The following NRBF2 variants were observed in gnomAD, a reference collection of about 807,000 sequenced individuals.
The protein encoded by NRBF2 is nuclear receptor binding factor 2, also known as nuclear receptor-binding factor 2.
NRBF2 carries 12 observed loss-of-function variants against 28.5 expected under a neutral mutation model. The observed-to-expected ratio is 0.42, with a 90% CI of 0.27 to 0.68. The LOEUF is 0.68. Among genes scored for constraint, NRBF2 ranks in the 30% least tolerant of loss-of-function variants. The pLI, the probability that NRBF2 is intolerant of heterozygous loss-of-function variation, is 0.24. For missense variants in NRBF2, 274 were observed against 333.5 expected, an observed-to-expected ratio of 0.82 and a Z score of 1.39; for synonymous variants, 102 against 116.5, an observed-to-expected ratio of 0.88 and a Z score of 0.80.
chr10:63,150,805 A>G (rs1478061877), intron 2 of NRBF2, among the ~76,000 whole-genome samples: 1 of 152,230 alleles, frequency 6.6e-6, no homozygotes, highest in East Asian at 1.9e-4. Context: ...TCTAGGGGTG[A>G]TGGGAGACAG....
intron 1 of NRBF2, among the ~76,000 whole-genome samples, chr10:63,141,108 C>CCAAGA (rs1473354739): frequency 6.6e-6 from 1 of 152,090 alleles, no homozygotes; most frequent in Non-Finnish European, 1.5e-5. Flanking sequence ...AGAAGCACCA[C>CCAAGA]CAAGATAGGT....
intron 1 of NRBF2, among the ~76,000 whole-genome samples, chr10:63,136,731 G>A (rs2132675862): frequency 6.6e-6 from 1 of 152,246 alleles, no homozygotes; most frequent in South Asian, 2.1e-4. Context: ...TTTCAGTATG[G>A]TTCTCATCTA....
intron 1 of NRBF2, among the ~76,000 whole-genome samples, chr10:63,135,886 C>T: frequency 6.6e-6 from 1 of 152,078 alleles, no homozygotes. Flanking sequence ...ACCTCGTGAT[C>T]CCCCCGCCTG....
At chr10:63,139,088 C>T (rs1841422436) in intron 1 of NRBF2, among the ~76,000 whole-genome samples, 1 of 152,196 alleles carries the variant, frequency 6.6e-6, no homozygotes, top group Non-Finnish European at 1.5e-5. Context: ...CAGCTCACCA[C>T]AACCTCCGCC....
intron 1 of NRBF2, among the ~76,000 whole-genome samples, chr10:63,145,616 C>CT (rs1841548630): frequency 6.6e-6 from 1 of 152,124 alleles, no homozygotes; most frequent in Non-Finnish European, 1.5e-5. Flanking sequence ...ATTTTTTTGA[C>CT]TTTGTTCTTT....
At position 63,154,565 on chromosome 10, in the gene NRBF2, TAATC is replaced by T. The variant is rs1216905143; in HGVS notation, c.*348_*351del. 5.5e-6 allele frequency: 1 copy of T among 180,282 alleles called. No homozygotes were observed. Among genetic ancestry groups the T allele is most frequent in the Non-Finnish European group, 1.2e-5 (1 of 85,990 alleles). The allele number at this position is 180,282 out of a possible 1,614,324, so 11.2% of individuals were successfully genotyped here. On this transcript the variant is annotated 3_prime_UTR_variant, in exon 4 of 4. Coordinates refer to ENST00000277746, the MANE Select transcript of NRBF2 (RefSeq NM_030759.5). ...AAAATGTATAAAAGTTATGTGTAAT[TAATC>T]TATAATGCCATAAATGATAATGCAA...
Position 63,146,097 on chromosome 10 carries a change from G to GA in NRBF2, c.31-111dup, listed in dbSNP as rs1297493939. On this transcript the variant is annotated intron_variant, in intron 1 of 3. Transcript: ENST00000277746. ...ACAGATAGAGCTGTAATAGTGATTT[G>GA]ATATGTGGCAACAAAACAGTATTAT... is the stretch of plus-strand genomic sequence containing the variant. 4 of 786,770 alleles carry GA rather than the reference G, an allele frequency of 5.1e-6. No individual in the cohort carries two copies. In the Admixed American group the frequency reaches 6.2e-5, roughly 12 times the overall value. The allele number at this position is 786,770 out of a possible 1,614,324, so 48.7% of individuals were successfully genotyped here.
Position 63,153,806 on chromosome 10 carries a change from C to T in NRBF2, c.452C>T (p.Pro151Leu). The T allele has an allele frequency of 6.2e-7, 1 of 1,612,866 alleles. No individual in the cohort carries two copies. Among genetic ancestry groups the T allele is most frequent in the African/African-American group, 1.3e-5 (1 of 74,950 alleles). The stretch of plus-strand genomic sequence containing the variant: ...TATTTACTTCAGCAAAAGAGTGAGC[C>T]AGCAGAGCCATGTATTGGAAGCAAA... ...LLYLLQQKSE[P>L]AEPCIGSKAP... The change falls in exon 4 of 4, where the codon CCA (proline) becomes CTA (leucine). Residue 151 changes from proline to leucine, a missense_variant. Physicochemically the swap from Pro to Leu is moderately conservative, Grantham distance 98 (BLOSUM62 -3). Coordinates refer to ENST00000277746, the MANE Select transcript of NRBF2 (RefSeq NM_030759.5).
chr10:63,135,557 G>C (rs1038127921), intron 1 of NRBF2, among the ~76,000 whole-genome samples: 3 of 151,848 alleles, frequency 2.0e-5, no homozygotes, highest in African/African-American at 7.3e-5. Flanking sequence ...AGCGAGTTTC[G>C]ACAGAGTCTT....
intron 1 of NRBF2, among the ~76,000 whole-genome samples, chr10:63,139,182 G>A (rs1375707747): frequency 6.6e-6 from 1 of 152,048 alleles, no homozygotes; most frequent in Non-Finnish European, 1.5e-5. Flanking sequence ...GCTAATTTTT[G>A]TATTTTTAGC....
At position 63,145,320 on chromosome 10, in the gene NRBF2, C is replaced by T. The variant is rs572317559; in HGVS notation, c.31-889C>T. Among the ~76,000 whole-genome samples, 11 of 151,854 alleles carry T rather than the reference C, an allele frequency of 7.2e-5. No homozygotes were observed. In the South Asian group the frequency reaches 1.0e-3, roughly 14 times the overall value. Reference sequence around the variant, plus strand: ...CGATCTCCTGACCTCATGATCTGCCCGCCTCGGCCTCCCAAAGTGTTGGGA... The same window carrying T: ...CGATCTCCTGACCTCATGATCTGCCTGCCTCGGCCTCCCAAAGTGTTGGGA... On this transcript the variant is annotated intron_variant, in intron 1 of 3. Coordinates refer to ENST00000277746, the MANE Select transcript of NRBF2 (RefSeq NM_030759.5).
intron 1 of NRBF2, among the ~76,000 whole-genome samples, chr10:63,142,475 A>T (rs1841488618): frequency 6.6e-6 from 1 of 151,482 alleles, no homozygotes; most frequent in Non-Finnish European, 1.5e-5. Context: ...GGCCTTTTAG[A>T]ATCTGTATTT....
rs781293012 is a variant in NRBF2 at position 63,142,780 on chromosome 10, C to CTTTTTTTTTTTTTTTTTT, written c.31-3426_31-3409dup. On this transcript the variant is annotated intron_variant, in intron 1 of 3. Coordinates refer to ENST00000277746, the MANE Select transcript of NRBF2 (RefSeq NM_030759.5). The stretch of plus-strand genomic sequence containing the variant: ...AGTCATTTCTTTTCTTTCTTTCTTT[C>CTTTTTTTTTTTTTTTTTT]TTTTTTTTTTTTTTTTTTTTGAGGC... Among the ~76,000 whole-genome samples the CTTTTTTTTTTTTTTTTTT allele has an allele frequency of 3.4e-3, 257 of 74,906 alleles. 15 individuals are homozygous for CTTTTTTTTTTTTTTTTTT. The highest frequency in any genetic ancestry group is 0.012 in the Middle Eastern group (1 of 86). The allele number at this position is 74,906 out of a possible 152,430, so 49.1% of individuals were successfully genotyped here. A position where few individuals can be genotyped will look rare whatever the true frequency, so the allele number is the denominator to read the frequency against.
At chr10:63,150,866 C>T (rs545304127) in intron 2 of NRBF2, among the ~76,000 whole-genome samples, 1 of 152,204 alleles carries the variant, frequency 6.6e-6, no homozygotes, top group Admixed American at 6.5e-5. Flanking sequence ...AACCTAGATC[C>T]CTTGCTTGTG....
At chr10:63,146,125 ATCT>A (rs1173981900) in intron 1 of NRBF2, 81 bp from the exon 2 acceptor site, 4 of 1,005,540 alleles carry the variant, frequency 4.0e-6, no homozygotes, top group African/African-American at 1.6e-5. Flanking sequence ...AGTATTATTT[ATCT>A]TCTTAAAAGG....
chr10:63,153,575 G>A lies in NRBF2; in HGVS notation c.221G>A (p.Arg74Lys). 1 of 1,611,960 alleles carries A rather than the reference G, an allele frequency of 6.2e-7. No individual in the cohort carries two copies. The highest frequency in any genetic ancestry group is 8.5e-7 in the Non-Finnish European group (1 of 1,179,850). The change falls in exon 4 of 4, where the codon AGA (arginine) becomes AAA (lysine). Residue 74 changes from arginine to lysine, a missense_variant. Transcript: ENST00000277746. Reference sequence around the variant, plus strand: ...AAACAGCTCCTCCTCATCCAAGAGAGATGGAAAAGGGCCCAGCGTGAAGAA... The same window carrying A: ...AAACAGCTCCTCCTCATCCAAGAGAAATGGAAAAGGGCCCAGCGTGAAGAA... ...HMKQLLLIQERWKRAQREERL... is the reference protein window; with the variant it reads ...HMKQLLLIQEKWKRAQREERL...
At chr10:63,139,463 T>C (rs947491160) in intron 1 of NRBF2, among the ~76,000 whole-genome samples, 26 of 152,244 alleles carry the variant, frequency 1.7e-4, no homozygotes, top group African/African-American at 5.8e-4. Flanking sequence ...AAAAGGTACT[T>C]GTCAGTGATG....
At chr10:63,134,277 A>G (rs1841340806) in intron 1 of NRBF2, among the ~76,000 whole-genome samples, 2 of 152,324 alleles carry the variant, frequency 1.3e-5, no homozygotes, top group Non-Finnish European at 2.9e-5. Flanking sequence ...AACGGGAAGC[A>G]TGAGTTCTTT....
chr10:63,133,443 C>T lies in NRBF2; in HGVS notation c.-28C>T, dbSNP rs779215212. The T allele has an allele frequency of 2.8e-5, 45 of 1,611,608 alleles. No homozygotes were observed. The highest frequency in any genetic ancestry group is 3.3e-5 in the Admixed American group (2 of 59,744). ...GTTCCCCGGCGCCACTACTCCCCTT[C>T]CTAAGGCCGCCGCTTACCCCGGGGT... On this transcript the variant is annotated 5_prime_UTR_variant, in exon 1 of 4. Coordinates refer to ENST00000277746, the MANE Select transcript of NRBF2 (RefSeq NM_030759.5).
Sources: allele counts gnomAD v4.1 joint callset (sites outside exome capture counted in the v4.1 genomes callset), GRCh38; gene constraint gnomAD v4.1.1; transcripts MANE v1.5; gene names NCBI Gene and HGNC (gene_info 2026-07-23, HGNC 2026-07-21).